DSCAM: variants seen among roughly 807,000 people sequenced by gnomAD.
The protein encoded by DSCAM is cell adhesion molecule DSCAM.
DSCAM carries 47 observed loss-of-function variants against 217.7 expected under a neutral mutation model. That is an observed-to-expected ratio of 0.22 (90% CI 0.17 to 0.28). The LOEUF (loss-of-function observed/expected upper bound fraction) is 0.28, where lower values mean the gene tolerates loss of function less well. Ranked by LOEUF, DSCAM falls within the 10% of genes least tolerant of loss-of-function variation. The pLI, the probability that DSCAM is intolerant of heterozygous loss-of-function variation, is 1.00. For synonymous variants in DSCAM, 1,056 were observed against 1,015.3 expected (o/e 1.04, Z -0.76); for missense variants, 2,080 against 2,618.3 (o/e 0.79, Z 4.49).
chr21:40,145,417 T>C (rs2090342801), intron 16 of DSCAM, among the ~76,000 whole-genome samples: 1 of 151,962 alleles, frequency 6.6e-6, no homozygotes, highest in Admixed American at 6.6e-5. Context: ...TCTGGAATGA[T>C]TTGGGGGTGA....
chr21:40,184,425 T>C (rs994609696), intron 14 of DSCAM, among the ~76,000 whole-genome samples: 1 of 152,150 alleles, frequency 6.6e-6, no homozygotes, highest in African/African-American at 2.4e-5. Flanking sequence ...TTGGATCTGC[T>C]TGTCCTGTGG....
At chr21:40,423,445 C>T (rs572692830) in intron 3 of DSCAM, among the ~76,000 whole-genome samples, 2 of 152,140 alleles carry the variant, frequency 1.3e-5, no homozygotes, top group Non-Finnish European at 2.9e-5. Flanking sequence ...GAGGGCACTG[C>T]GCATGCGGGA....
At chr21:40,607,030 G>C (rs1009594885) in intron 3 of DSCAM, among the ~76,000 whole-genome samples, 7 of 152,144 alleles carry the variant, frequency 4.6e-5, no homozygotes, top group Non-Finnish European at 8.8e-5. Context: ...GGAACTCTGA[G>C]TCCATTAAAC....
chr21:40,390,414 G>C lies in DSCAM; in HGVS notation c.509-21169C>G, dbSNP rs547642102. Reference sequence around the variant, plus strand: ...CCTGAATAATTCATGGAGAGAAGGTGGATAGCCTTGGGTTAGCTGATTGCT... The same window carrying C: ...CCTGAATAATTCATGGAGAGAAGGTCGATAGCCTTGGGTTAGCTGATTGCT... On this transcript the variant is annotated intron_variant, in intron 3 of 32. Coordinates refer to ENST00000400454, the MANE Select transcript of DSCAM (RefSeq NM_001389.5). 2.6e-5 allele frequency among the ~76,000 whole-genome samples: 4 copies of C among 152,284 alleles called. No individual in the cohort carries two copies. The South Asian group carries it at 8.3e-4, about 32-fold the overall frequency.
chr21:40,139,167 G>T (rs1041630730), intron 18 of DSCAM, among the ~76,000 whole-genome samples: 1 of 151,166 alleles, frequency 6.6e-6, no homozygotes, highest in African/African-American at 2.5e-5. Flanking sequence ...TGTGGGGTGT[G>T]TGTGGTGTGG....
chr21:40,485,238 T>TC (rs1491511338), intron 3 of DSCAM, among the ~76,000 whole-genome samples: 3 of 21,406 alleles, frequency 1.4e-4, no homozygotes, highest in Non-Finnish European at 2.6e-4. Flanking sequence ...ACTTTCTTTC[T>TC]TTTTTTTTTT....
At chr21:40,506,812 G>A (rs532789502) in intron 3 of DSCAM, among the ~76,000 whole-genome samples, 1 of 152,286 alleles carries the variant, frequency 6.6e-6, no homozygotes, top group South Asian at 2.1e-4. Flanking sequence ...TTATCTTATT[G>A]TGTTACCAAA....
chr21:40,431,055 GT>G (rs1337040325), intron 3 of DSCAM, among the ~76,000 whole-genome samples: 1 of 152,176 alleles, frequency 6.6e-6, no homozygotes, highest in African/African-American at 2.4e-5. Context: ...GCATCTCTAT[GT>G]TATACAGAAT....
At chr21:40,104,880 T>A (rs553707200) in intron 20 of DSCAM, among the ~76,000 whole-genome samples, 1 of 152,322 alleles carries the variant, frequency 6.6e-6, no homozygotes, top group Admixed American at 6.5e-5. Context: ...TCAAGTTTTT[T>A]AAAGGCATTT....
chr21:40,355,051 G>C (rs1162367217), intron 4 of DSCAM, among the ~76,000 whole-genome samples: 6 of 152,164 alleles, frequency 3.9e-5, no homozygotes, highest in Non-Finnish European at 7.3e-5. Flanking sequence ...GGATGAGACA[G>C]GTGTCTTCCT....
At chr21:40,492,561 A>T (rs965148342) in intron 3 of DSCAM, among the ~76,000 whole-genome samples, 1 of 152,120 alleles carries the variant, frequency 6.6e-6, no homozygotes, top group Admixed American at 6.5e-5. Flanking sequence ...TTTAAAAGCA[A>T]ATTCTGGAGC....
At chr21:40,469,802 G>GT (rs1216741364) in intron 3 of DSCAM, among the ~76,000 whole-genome samples, 1 of 152,146 alleles carries the variant, frequency 6.6e-6, no homozygotes. Context: ...TGCATTCTCA[G>GT]TTTTTTGTTG....
intron 3 of DSCAM, among the ~76,000 whole-genome samples, chr21:40,403,629 G>GCACACA (rs3069908): frequency 0.034 from 4,973 of 145,838 alleles, 153 homozygotes; most frequent in African/African-American, 0.077. Context: ...GCATGCATGT[G>GCACACA]CACACACACA....
At chr21:40,321,840 C>CA (rs2074263122) in intron 8 of DSCAM, among the ~76,000 whole-genome samples, 1 of 152,098 alleles carries the variant, frequency 6.6e-6, no homozygotes, top group African/African-American at 2.4e-5. Context: ...TACATGTGAG[C>CA]AACTGCACCT....
At chr21:40,504,064 C>G (rs2076191213) in intron 3 of DSCAM, among the ~76,000 whole-genome samples, 1 of 152,116 alleles carries the variant, frequency 6.6e-6, no homozygotes. Context: ...TAGAACAAAT[C>G]CATGGGACAC....
At chr21:40,140,594 A>G (rs1290245831) in intron 18 of DSCAM, among the ~76,000 whole-genome samples, 3 of 152,332 alleles carry the variant, frequency 2.0e-5, no homozygotes, top group Middle Eastern at 3.4e-3. Flanking sequence ...TCCACTCAAT[A>G]TAAGGAGTAG....
At chr21:40,075,336 A>T in intron 26 of DSCAM, 123 bp from the exon 27 acceptor site, 1 of 1,054,590 alleles carries the variant, frequency 9.5e-7, no homozygotes. Context: ...ATGAGAAATG[A>T]AAAGAACTCT....
intron 3 of DSCAM, among the ~76,000 whole-genome samples, chr21:40,445,687 G>A (rs2075669034): frequency 6.6e-6 from 1 of 152,148 alleles, no homozygotes; most frequent in African/African-American, 2.4e-5. Context: ...TAGAATTAAG[G>A]TTGGTTCTTT....
intron 32 of DSCAM, among the ~76,000 whole-genome samples, chr21:40,017,660 T>TC (rs566808098): frequency 1.9e-3 from 281 of 151,784 alleles, no homozygotes; most frequent in African/African-American, 5.7e-3. Context: ...CAAGCGATTC[T>TC]CCCCCCTCAG....
Sources: gnomAD v4.1 joint callset for allele counts (sites outside exome capture counted in the v4.1 genomes callset) on GRCh38, gnomAD v4.1.1 for gene constraint, MANE v1.5 for transcripts, NCBI Gene and HGNC (gene_info 2026-07-23, HGNC 2026-07-21) for gene names.